ART3: variants seen among roughly 807,000 people sequenced by gnomAD.
The protein encoded by ART3 is ADP-ribosyltransferase 3 (inactive).
Under a neutral mutation model 48.5 loss-of-function variants are expected in ART3, and 49 were observed. That is an observed-to-expected ratio of 1.01 (90% CI 0.80 to 1.28). The LOEUF is 1.28. ART3 is among the 50% of genes most tolerant of loss of function. The pLI, the probability that ART3 is intolerant of heterozygous loss-of-function variation, is 0.00. For synonymous variants in ART3, 145 were observed against 157.2 expected (o/e 0.92, Z 0.58); for missense variants, 438 against 454.3 (o/e 0.96, Z 0.33).
chr4:76,109,775 C>T (rs1255135140), intron 11 of ART3, among the ~76,000 whole-genome samples: 9 of 152,268 alleles, frequency 5.9e-5, no homozygotes, highest in East Asian at 1.9e-4. Flanking sequence ...CATCATTATG[C>T]ATTGCACGAC....
At chr4:76,108,489 T>A (rs1018398467) in intron 11 of ART3, among the ~76,000 whole-genome samples, 2 of 152,120 alleles carry the variant, frequency 1.3e-5, no homozygotes, top group Non-Finnish European at 2.9e-5. Context: ...GGTCAATTTT[T>A]CATGGTCCAG....
At chr4:76,067,179 A>C (rs914801918) in intron 1 of ART3, among the ~76,000 whole-genome samples, 7 of 152,268 alleles carry the variant, frequency 4.6e-5, no homozygotes, top group African/African-American at 1.7e-4. Context: ...AACATAACAA[A>C]GTAGCAGAAT....
At chr4:76,057,272 T>C (rs536964925) in intron 1 of ART3, among the ~76,000 whole-genome samples, 98 of 152,318 alleles carry the variant, frequency 6.4e-4, no homozygotes, top group African/African-American at 2.3e-3. Flanking sequence ...CTAAATGCAA[T>C]GTGGGTTCTG....
chr4:76,094,580 C>T (rs1376894403), intron 3 of ART3, among the ~76,000 whole-genome samples: 2 of 152,224 alleles, frequency 1.3e-5, no homozygotes, highest in Non-Finnish European at 2.9e-5. Context: ...ACCAGAGACA[C>T]TTTAATCCAG....
At chr4:76,045,298 G>A (rs566225440) in intron 1 of ART3, among the ~76,000 whole-genome samples, 1 of 152,164 alleles carries the variant, frequency 6.6e-6, no homozygotes, top group East Asian at 1.9e-4. Flanking sequence ...GAGAAAAGTG[G>A]CAGGGTTGAG....
At chr4:76,052,326 A>C (rs1312889688) in intron 1 of ART3, among the ~76,000 whole-genome samples, 1 of 152,200 alleles carries the variant, frequency 6.6e-6, no homozygotes, top group Non-Finnish European at 1.5e-5. Context: ...TTCATCCTTG[A>C]TATGTGCTAC....
intron 3 of ART3, among the ~76,000 whole-genome samples, chr4:76,088,855 C>T (rs1578507793): frequency 6.6e-6 from 1 of 152,094 alleles, no homozygotes; most frequent in South Asian, 2.1e-4. Context: ...TTGTCAGACA[C>T]TGGGTGAACT....
At chr4:76,110,173 C>T (rs1338418616) in intron 11 of ART3, among the ~76,000 whole-genome samples, 2 of 152,130 alleles carry the variant, frequency 1.3e-5, no homozygotes, top group African/African-American at 4.8e-5. Context: ...AGTTAGCCCT[C>T]TGTATCCTCT....
chr4:76,090,233 A>G (rs1265311201), intron 3 of ART3, among the ~76,000 whole-genome samples: 1 of 152,206 alleles, frequency 6.6e-6, no homozygotes, highest in Non-Finnish European at 1.5e-5. Flanking sequence ...ATTGGAGGTA[A>G]GATTTCCATA....
In ART3 at chr4:76,105,384, T is replaced by C; in HGVS notation, c.1003+755T>C. On this transcript the variant is annotated intron_variant, in intron 10 of 11. Coordinates refer to ENST00000355810, the MANE Select transcript of ART3 (RefSeq NM_001130016.3). ...TTCTACGCCCCTGCTTTCACATCTG[T>C]AAAATGAGGAAAGCTTCTGTCTTGC... 5 of 802,592 alleles carry C rather than the reference T, an allele frequency of 6.2e-6. No homozygotes were observed. In the East Asian group the frequency reaches 3.8e-4, roughly 61 times the overall value. 49.7% of individuals were successfully genotyped at this position (802,592 alleles called of 1,614,324 possible).
chr4:76,108,008 C>G (rs1255242887), intron 11 of ART3, among the ~76,000 whole-genome samples: 3 of 151,624 alleles, frequency 2.0e-5, no homozygotes, highest in South Asian at 2.1e-4. Flanking sequence ...TCCATTGTAT[C>G]TAGAGTTTCT....
chr4:76,016,835 C>T (rs1732313086), intron 1 of ART3, among the ~76,000 whole-genome samples: 1 of 152,188 alleles, frequency 6.6e-6, no homozygotes, highest in Admixed American at 6.5e-5. Context: ...GGCAGAGGAG[C>T]CTTTTACTCA....
At chr4:76,033,856 G>T (rs948077880) in intron 1 of ART3, 1 of 152,204 alleles carries the variant, frequency 6.6e-6, no homozygotes, top group South Asian at 2.1e-4. Context: ...TGATTGCTAG[G>T]TATACATTTG....
chr4:76,104,499 C>T (rs962529860), intron 9 of ART3, 98 bp from the exon 10 acceptor site: 3 of 1,541,542 alleles, frequency 1.9e-6, no homozygotes, highest in Non-Finnish European at 2.6e-6. Context: ...GCATTGGGGC[C>T]TTGGGTGCTT....
At chr4:76,036,343 G>A (rs1179703499) in intron 1 of ART3, 3 of 299,872 alleles carry the variant, frequency 1.0e-5, no homozygotes, top group East Asian at 6.1e-5. Context: ...TTTGGGCAGC[G>A]GAATTCTGAT....
At chr4:76,024,291 A>T (rs1188728541) in intron 1 of ART3, among the ~76,000 whole-genome samples, 1 of 152,018 alleles carries the variant, frequency 6.6e-6, no homozygotes, top group Non-Finnish European at 1.5e-5. Context: ...AAATGAATTT[A>T]AAAGCGGGGG....
chr4:76,089,947 G>T (rs1215499140), intron 3 of ART3, among the ~76,000 whole-genome samples: 4 of 152,256 alleles, frequency 2.6e-5, no homozygotes, highest in African/African-American at 9.6e-5. Context: ...AGGCATGGTG[G>T]TGGGTACCTG....
intron 8 of ART3, among the ~76,000 whole-genome samples, chr4:76,102,236 T>C (rs550141086): frequency 3.5e-4 from 54 of 152,332 alleles, no homozygotes; most frequent in African/African-American, 1.2e-3. Context: ...GCTACCTTTT[T>C]TGTGTGTAAG....
chr4:76,079,509 A>T (rs1433981311), intron 2 of ART3, among the ~76,000 whole-genome samples: 1 of 152,186 alleles, frequency 6.6e-6, no homozygotes, highest in African/African-American at 2.4e-5. Flanking sequence ...TAGATCAGAT[A>T]TATTTAGATC....
Sources: gnomAD v4.1 joint callset for allele counts (sites outside exome capture counted in the v4.1 genomes callset) on GRCh38, gnomAD v4.1.1 for gene constraint, MANE v1.5 for transcripts, NCBI Gene and HGNC (gene_info 2026-07-23, HGNC 2026-07-21) for gene names.